The following PARVG variants were observed in gnomAD, a reference collection of about 807,000 sequenced individuals.
PARVG encodes parvin gamma, also known as gamma-parvin.
Under a neutral mutation model 44.4 loss-of-function variants are expected in PARVG, and 36 were observed. The observed-to-expected ratio is 0.81, with a 90% CI of 0.62 to 1.07. The LOEUF (loss-of-function observed/expected upper bound fraction) is 1.07. Among genes scored for constraint, PARVG ranks in the 50% least tolerant of loss-of-function variants. The pLI, the probability that PARVG is intolerant of heterozygous loss-of-function variation, is 0.00. For synonymous variants in PARVG, 170 were observed against 174.1 expected (o/e 0.98, Z 0.19); for missense variants, 407 against 407.4 (o/e 1.00, Z 0.01).
upstream of PARVG, among the ~76,000 whole-genome samples, chr22:44,180,278 G>A (rs1411972670): frequency 6.6e-6 from 1 of 152,194 alleles, no homozygotes; most frequent in Non-Finnish European, 1.5e-5. Flanking sequence ...AGAAGTAACA[G>A]CTCCCCATGT....
Position 44,187,779 on chromosome 22 carries a change from T to C in PARVG, c.148T>C (p.Leu50=). Residue 50 remains leucine, a synonymous_variant, in exon 5 of 14, where the codon TTG becomes CTG. Coordinates refer to ENST00000444313, the MANE Select transcript of PARVG (RefSeq NM_022141.7). Reference sequence around the variant, plus strand: ...GTTGTCCCCTTGGAGCCTGCAGGTGTTGATGGAGTGGATCAATGCCACTCT... The same window carrying C: ...GTTGTCCCCTTGGAGCCTGCAGGTGCTGATGGAGTGGATCAATGCCACTCT... ...DPKFEELQKV[L]MEWINATLLP... The C allele has an allele frequency of 1.2e-6, 2 of 1,614,212 alleles. No homozygotes were observed. Among genetic ancestry groups the C allele is most frequent in the Non-Finnish European group, 1.7e-6 (2 of 1,180,030 alleles).
intron 5 of PARVG, chr22:44,188,448 G>A (rs749311581): frequency 1.1e-4 from 18 of 162,134 alleles, no homozygotes; most frequent in Non-Finnish European, 2.2e-4. Flanking sequence ...GCACACAACT[G>A]TGGTCTCGGA....
In PARVG at chr22:44,190,580, C is replaced by T. The variant is rs144030001; in HGVS notation, c.418C>T (p.Leu140=). 5.0e-6 allele frequency: 8 copies of T among 1,614,088 alleles called. No homozygotes were observed. The highest frequency in any genetic ancestry group is 6.8e-6 in the Non-Finnish European group (8 of 1,180,028). The change falls in exon 7 of 14, where the codon CTG becomes TTG. Residue 140 remains leucine (L), a synonymous_variant. Coordinates refer to ENST00000444313, the MANE Select transcript of PARVG (RefSeq NM_022141.7). ...CTTCAACAAGGACCTGTTGTCTACCCTGCACCTCCTTGTGGCCCTGGCCAA... is the reference window on the plus strand; with the variant it reads ...CTTCAACAAGGACCTGTTGTCTACCTTGCACCTCCTTGTGGCCCTGGCCAA... ...SIFNKDLLST[L]HLLVALAKRF...
At chr22:44,205,214 A>G (rs775514070) in intron 12 of PARVG, among the ~76,000 whole-genome samples, 4 of 152,216 alleles carry the variant, frequency 2.6e-5, no homozygotes, top group Admixed American at 2.0e-4. Flanking sequence ...ATTGGAGCGG[A>G]CAGACCTGGT....
At chr22:44,188,124 C>T (rs1191076683) in intron 5 of PARVG, 1 of 565,116 alleles carries the variant, frequency 1.8e-6, no homozygotes, top group South Asian at 2.0e-5. Flanking sequence ...CTTTCTACCA[C>T]ACCACACTGC....
chr22:44,205,956 G>A (rs2054775233), intron 13 of PARVG, 127 bp downstream of exon 13: 3 of 1,146,018 alleles, frequency 2.6e-6, no homozygotes, highest in Non-Finnish European at 3.8e-6. Context: ...GCCTGGCAGG[G>A]GTGGAGAATG....
In PARVG at chr22:44,185,849, C is replaced by A; in HGVS notation, c.121C>A (p.Pro41Thr). 3.1e-6 allele frequency: 5 copies of A among 1,613,646 alleles called. No homozygotes were observed. The highest frequency in any genetic ancestry group is 4.2e-6 in the Non-Finnish European group (5 of 1,179,750). Reference sequence around the variant, plus strand: ...CCTGCCACCCACTTCCCGGAAGGACCCCAAATTTGAAGAACTGCAGAAGGT... The same window carrying A: ...CCTGCCACCCACTTCCCGGAAGGACACCAAATTTGAAGAACTGCAGAAGGT... ...KYLPPTSRKD[P>T]KFEELQKVLM... Residue 41 changes from proline (P) to threonine (T), a missense_variant, in exon 4 of 14, where the codon CCC becomes ACC. Physicochemically the swap from Pro to Thr is conservative, Grantham distance 38. Transcript: ENST00000444313.
At chr22:44,173,703 CCTT>C (rs1156391794) in intron 1 of PARVG, among the ~76,000 whole-genome samples, 2 of 152,220 alleles carry the variant, frequency 1.3e-5, no homozygotes, top group South Asian at 4.1e-4. Flanking sequence ...AATTCAACCT[CCTT>C]CTTTCAAAGT....
chr22:44,183,210 A>T (rs374869597), intron 2 of PARVG, 108 bp from the exon 3 acceptor site: 11 of 1,019,976 alleles, frequency 1.1e-5, no homozygotes, highest in Middle Eastern at 2.2e-4. Context: ...TGTCCCCAGA[A>T]CCTGGCTTCT....
intron 1 of PARVG, chr22:44,173,216 C>T: frequency 8.2e-7 from 1 of 1,226,020 alleles, no homozygotes; most frequent in Non-Finnish European, 1.0e-6. Flanking sequence ...CTCATCTGCC[C>T]CTCTGCCTGG....
chr22:44,178,581 A>T (rs2147213386), upstream of PARVG, among the ~76,000 whole-genome samples: 1 of 152,364 alleles, frequency 6.6e-6, no homozygotes, highest in African/African-American at 2.4e-5. Context: ...AAGAAGCAGG[A>T]AACTGTGACC....
At position 44,191,424 on chromosome 22, in the gene PARVG, G is replaced by A. The variant is rs185561770; in HGVS notation, c.505-625G>A. Among the ~76,000 whole-genome samples, 13 of 124,006 alleles carry A rather than the reference G, an allele frequency of 1.0e-4. No homozygotes were observed. The East Asian group carries it at 1.2e-3, about 11-fold the overall frequency. 81.4% of individuals were successfully genotyped at this position (124,006 alleles called of 152,430 possible). ...TTTTTTTTTTTTTTTTTGAGATGGC[G>A]TCTTGCTCTATTGCTCAGGCTGGAA... On this transcript the variant is annotated intron_variant, in intron 7 of 13. Coordinates refer to ENST00000444313, the MANE Select transcript of PARVG (RefSeq NM_022141.7).
chr22:44,204,711 C>T (rs753386577), intron 12 of PARVG, among the ~76,000 whole-genome samples: 34 of 152,222 alleles, frequency 2.2e-4, no homozygotes, highest in African/African-American at 3.9e-4. Flanking sequence ...AGGGAGGGAA[C>T]GGGACCAGCA....
intron 12 of PARVG, among the ~76,000 whole-genome samples, chr22:44,198,989 T>TCCACCCACCCACCCACCCACCCACC (rs1300207001): frequency 9.0e-5 from 3 of 33,344 alleles, no homozygotes; most frequent in Admixed American, 2.7e-4. Flanking sequence ...CATCCATCCA[T>TCCACCCACCCACCCACCCACCCACC]CATCTACCTA....
chr22:44,188,476 A>G (rs2054504762), intron 5 of PARVG: 1 of 162,508 alleles, frequency 6.2e-6, no homozygotes, highest in Non-Finnish European at 1.4e-5. Flanking sequence ...GATAGGCCCA[A>G]TTCCATGTCC....
upstream of PARVG, among the ~76,000 whole-genome samples, chr22:44,178,916 G>A (rs2054342847): frequency 6.6e-6 from 1 of 152,186 alleles, no homozygotes; most frequent in African/African-American, 2.4e-5. Context: ...TTATGCAGGA[G>A]AATGTTTTTA....
chr22:44,191,292 TC>T (rs889881407), intron 7 of PARVG, among the ~76,000 whole-genome samples: 7 of 150,534 alleles, frequency 4.7e-5, no homozygotes. Flanking sequence ...CAGCCTCGGG[TC>T]CCTCATGCAT....
chr22:44,179,360 C>G (rs2054347226), upstream of PARVG, among the ~76,000 whole-genome samples: 1 of 152,212 alleles, frequency 6.6e-6, no homozygotes, highest in South Asian at 2.1e-4. This position sits in a 1 kb window ranked among gnomAD's most constrained non-coding sequence, Gnocchi z 4.2. Flanking sequence ...CCTGCAGCCC[C>G]AAGAGATGAG....
Position 44,198,606 on chromosome 22 carries a change from T to G in PARVG, c.712-15T>G. 6.3e-7 allele frequency: 1 copy of G among 1,594,466 alleles called. No individual in the cohort carries two copies. The highest frequency in any genetic ancestry group is 8.6e-7 in the Non-Finnish European group (1 of 1,162,136). On this transcript the variant is annotated splice_polypyrimidine_tract_variant and intron_variant, in intron 11 of 13. Transcript: ENST00000444313. ...GCTTCTTCCATGTGATTGTCTCCAG[T>G]TCCTTCCTTTGTAGTTTGCAGATGG...
Sources: gnomAD v4.1 joint callset for allele counts (sites outside exome capture counted in the v4.1 genomes callset) on GRCh38, gnomAD v4.1.1 for gene constraint, Gnocchi (gnomAD v3.1) non-coding constraint, MANE v1.5 for transcripts, NCBI Gene and HGNC (gene_info 2026-07-23, HGNC 2026-07-21) for gene names.